Variants in APLF observed in about 807,000 individuals in gnomAD.
APLF encodes aprataxin and PNK-like factor.
In APLF, 61 loss-of-function variants were observed where a neutral mutation model predicts 55.6. That is an observed-to-expected ratio of 1.10 (90% CI 0.89 to 1.36). The LOEUF is 1.36. Among genes scored for constraint, APLF ranks in the 40% most tolerant of loss-of-function variants. The pLI, the probability that APLF is intolerant of heterozygous loss-of-function variation, is 0.00. For missense variants in APLF, 611 were observed against 602.5 expected (o/e 1.01, Z -0.15); for synonymous variants, 207 against 214.8 (o/e 0.96, Z 0.32).
At chr2:68,554,034 T>C (rs913691112) in intron 8 of APLF, among the ~76,000 whole-genome samples, 9 of 152,120 alleles carry the variant, frequency 5.9e-5, no homozygotes, top group African/African-American at 1.7e-4. Flanking sequence ...TTATACTACA[T>C]ATCAATGCCT....
At chr2:68,468,946 G>A (rs1675522910) in intron 1 of APLF, among the ~76,000 whole-genome samples, 1 of 151,882 alleles carries the variant, frequency 6.6e-6, no homozygotes, top group Non-Finnish European at 1.5e-5. Flanking sequence ...GCAGGGAAAG[G>A]AGTGGTAGTT....
chr2:68,518,510 A>T (rs1166127103), intron 5 of APLF, among the ~76,000 whole-genome samples: 10 of 117,586 alleles, frequency 8.5e-5, no homozygotes, highest in African/African-American at 3.4e-4. Flanking sequence ...TAATAATGTT[A>T]ATATATTATT....
chr2:68,550,838 T>C (rs1013971679), intron 8 of APLF, among the ~76,000 whole-genome samples: 1 of 152,194 alleles, frequency 6.6e-6, no homozygotes, highest in Admixed American at 6.5e-5. Context: ...ACCATTGTTA[T>C]TATATAGTTA....
At chr2:68,475,924 G>A (rs1188547977) in intron 1 of APLF, among the ~76,000 whole-genome samples, 1 of 150,916 alleles carries the variant, frequency 6.6e-6, no homozygotes, top group Non-Finnish European at 1.5e-5. Context: ...CTCCACAAAA[G>A]TAGAAGGAAA....
intron 8 of APLF, among the ~76,000 whole-genome samples, chr2:68,550,583 TTTG>T (rs1573251987): frequency 6.6e-6 from 1 of 152,238 alleles, no homozygotes; most frequent in Non-Finnish European, 1.5e-5. Flanking sequence ...CTTTTTTGTA[TTTG>T]TTTTCTATTT....
intron 5 of APLF, among the ~76,000 whole-genome samples, chr2:68,519,925 T>A (rs1669847380): frequency 6.6e-6 from 1 of 152,028 alleles, no homozygotes; most frequent in South Asian, 2.1e-4. Flanking sequence ...TATTTTACAT[T>A]CCCACCAGCA....
At chr2:68,532,874 G>A (rs552038146) in intron 6 of APLF, among the ~76,000 whole-genome samples, 1 of 152,270 alleles carries the variant, frequency 6.6e-6, no homozygotes, top group African/African-American at 2.4e-5. Context: ...TGGGCCTAAT[G>A]GGAGGCTGTT....
rs1369869580 is a variant in APLF at position 68,519,269 on chromosome 2, ATAT to A, written c.622+5593_622+5595del. 3.3e-5 allele frequency among the ~76,000 whole-genome samples: 4 copies of A among 119,428 alleles called. No individual in the cohort carries two copies. In the East Asian group the frequency reaches 8.1e-4, roughly 24 times the overall value. The allele number at this position is 119,428 out of a possible 152,430, so 78.3% of individuals were successfully genotyped here. Reference sequence around the variant, plus strand: ...ATATATCATTTATATATAATATAATATATTATATGTATATTGTATATATAAAAT... The same window carrying A: ...ATATATCATTTATATATAATATAATATATATGTATATTGTATATATAAAAT... On this transcript the variant is annotated intron_variant, in intron 5 of 9. Coordinates refer to ENST00000303795, the MANE Select transcript of APLF (RefSeq NM_173545.3).
chr2:68,478,165 G>GA (rs370234945), intron 1 of APLF, among the ~76,000 whole-genome samples: 33 of 142,242 alleles, frequency 2.3e-4, no homozygotes, highest in Middle Eastern at 3.6e-3. Context: ...AATAATGGCA[G>GA]AAAAAAAAAA....
intron 1 of APLF, among the ~76,000 whole-genome samples, chr2:68,483,005 C>G (rs751044081): frequency 1.3e-5 from 2 of 151,968 alleles, no homozygotes; most frequent in Non-Finnish European, 2.9e-5. Flanking sequence ...GTCCCTGGGC[C>G]CAGGCTCTCA....
chr2:68,527,935 C>T (rs180855878), intron 6 of APLF, among the ~76,000 whole-genome samples: 14 of 149,290 alleles, frequency 9.4e-5, no homozygotes, highest in Non-Finnish European at 1.3e-4. Flanking sequence ...ACTGCCCAGA[C>T]GGGGCAGGGC....
intron 6 of APLF, among the ~76,000 whole-genome samples, chr2:68,530,944 C>G (rs1053568003): frequency 3.3e-5 from 5 of 152,298 alleles, no homozygotes; most frequent in East Asian, 3.9e-4. Flanking sequence ...TTTGGCACCT[C>G]CATTCTGAAA....
chr2:68,530,851 A>C (rs1388715911), intron 6 of APLF, among the ~76,000 whole-genome samples: 3 of 152,116 alleles, frequency 2.0e-5, no homozygotes, highest in African/African-American at 4.8e-5. Context: ...ATCTATATTC[A>C]AAGATATTAT....
At chr2:68,550,138 A>G (rs1451782379) in intron 8 of APLF, among the ~76,000 whole-genome samples, 1 of 152,174 alleles carries the variant, frequency 6.6e-6, no homozygotes, top group Non-Finnish European at 1.5e-5. Context: ...TCTTATATTT[A>G]AAACATGTCT....
In APLF at chr2:68,537,924, A is replaced by G; in HGVS notation, c.857A>G (p.Asn286Ser). 6.2e-7 allele frequency: 1 copy of G among 1,611,472 alleles called. No individual in the cohort carries two copies. The highest frequency in any genetic ancestry group is 1.3e-5 in the African/African-American group (1 of 74,802). ...AITLSNTEMN[N>S]IKTNAQRNKL... Reference sequence around the variant, plus strand: ...ACATTAAGTAACACAGAGATGAATAATATTAAGACTAATGCACAGAGAAAC... The same window carrying G: ...ACATTAAGTAACACAGAGATGAATAGTATTAAGACTAATGCACAGAGAAAC... The change falls in exon 7 of 10, where the codon AAT becomes AGT. Residue 286 changes from asparagine (N) to serine (S), a missense_variant. Asn to Ser is a conservative substitution (Grantham distance 46). Transcript: ENST00000303795.
chr2:68,538,936 G>T (rs1670477971), intron 7 of APLF, among the ~76,000 whole-genome samples: 1 of 152,022 alleles, frequency 6.6e-6, no homozygotes, highest in South Asian at 2.1e-4. Flanking sequence ...TAAGACACTA[G>T]TCAGCATGTA....
At chr2:68,523,653 T>C (rs2103977922) in intron 5 of APLF, among the ~76,000 whole-genome samples, 1 of 152,062 alleles carries the variant, frequency 6.6e-6, no homozygotes. Flanking sequence ...CTATTGTTCA[T>C]GTAGTATTAG....
In APLF at chr2:68,529,165, G is replaced by A. The variant is rs567141470; in HGVS notation, c.804+2923G>A. ...CAGACAGCACGGGTTTCTTCCTTGA[G>A]GGGGGGCTCCAGACAACAGGAGGCA... On this transcript the variant is annotated intron_variant, in intron 6 of 9. Coordinates refer to ENST00000303795, the MANE Select transcript of APLF (RefSeq NM_173545.3). The surrounding 1 kb of genome is among the most constrained non-coding windows in gnomAD (Gnocchi z 4.4). The A allele has an allele frequency of 1.6e-6, 2 of 1,272,666 alleles. No homozygotes were observed. Among genetic ancestry groups the A allele is most frequent in the South Asian group, 1.4e-5 (1 of 71,644 alleles). The allele number at this position is 1,272,666 out of a possible 1,614,324, so 78.8% of individuals were successfully genotyped here.
chr2:68,525,793 A>G (rs899770357), intron 5 of APLF, among the ~76,000 whole-genome samples: 2 of 122,986 alleles, frequency 1.6e-5, no homozygotes, highest in African/African-American at 6.9e-5. Flanking sequence ...TCTGTCACCC[A>G]GACTGGAGTG....
Sources: gnomAD v4.1 joint callset for allele counts (sites outside exome capture counted in the v4.1 genomes callset) on GRCh38, gnomAD v4.1.1 for gene constraint, Gnocchi (gnomAD v3.1) non-coding constraint, MANE v1.5 for transcripts, NCBI Gene and HGNC (gene_info 2026-07-23, HGNC 2026-07-21) for gene names.